The following VPS37A variants were observed in gnomAD, a reference collection of about 807,000 sequenced individuals.
VPS37A encodes the protein vacuolar protein sorting-associated protein 37A.
Under a neutral mutation model 49.8 loss-of-function variants are expected in VPS37A, and 30 were observed. The ratio of observed to expected loss-of-function variants is 0.60; its 90% CI spans 0.45 to 0.82. The LOEUF is 0.82. Among genes scored for constraint, VPS37A ranks in the 40% least tolerant of loss-of-function variants. The pLI is 0.00. For synonymous variants in VPS37A, 195 were observed against 160.6 expected (o/e 1.21, Z -1.62); for missense variants, 593 against 464.4 (o/e 1.28, Z -2.55).
downstream of VPS37A, among the ~76,000 whole-genome samples, chr8:17,301,355 A>G (rs934138079): frequency 2.0e-5 from 3 of 152,216 alleles, no homozygotes; most frequent in African/African-American, 7.2e-5. Flanking sequence ...TTTTAACAGG[A>G]CTGTGAAAGA....
chr8:17,270,761 T>C (rs1813901039), intron 4 of VPS37A, among the ~76,000 whole-genome samples: 1 of 152,184 alleles, frequency 6.6e-6, no homozygotes, highest in Non-Finnish European at 1.5e-5. Context: ...AGAATTCACC[T>C]CTTTCCTATA....
At position 17,276,419 on chromosome 8, in the gene VPS37A, A is replaced by G; in HGVS notation, c.665A>G (p.Tyr222Cys). ...TAGACAAGCCAAAATGGTTTTGGGTACAAGATGCCAGATGTCCCTGATGCA... is the reference window on the plus strand; with the variant it reads ...TAGACAAGCCAAAATGGTTTTGGGTGCAAGATGCCAGATGTCCCTGATGCA... Reference protein sequence around the residue: ...SIPTSQNGFGYKMPDVPDAFP... With the variant: ...SIPTSQNGFGCKMPDVPDAFP... Residue 222 changes from tyrosine (Y) to cysteine (C), a missense_variant, in exon 6 of 12, where the codon TAC becomes TGC. Tyr to Cys is a radical substitution (Grantham distance 194). Coordinates refer to ENST00000324849, the MANE Select transcript of VPS37A (RefSeq NM_152415.3). 6.2e-7 allele frequency: 1 copy of G among 1,612,576 alleles called. No individual in the cohort carries two copies. Among genetic ancestry groups the G allele is most frequent in the Non-Finnish European group, 8.5e-7 (1 of 1,179,368 alleles).
chr8:17,290,698 C>T (rs1816060151), intron 11 of VPS37A, among the ~76,000 whole-genome samples: 1 of 152,112 alleles, frequency 6.6e-6, no homozygotes, highest in South Asian at 2.1e-4. Context: ...CTCATACAAT[C>T]AGTTAGGGAG....
At chr8:17,273,443 T>G (rs1467405428) in intron 4 of VPS37A, among the ~76,000 whole-genome samples, 1 of 152,194 alleles carries the variant, frequency 6.6e-6, no homozygotes, top group Non-Finnish European at 1.5e-5. Flanking sequence ...CTCGGCTCAC[T>G]GCAAGCTCGG....
chr8:17,265,292 T>C (rs1237785042), intron 1 of VPS37A, among the ~76,000 whole-genome samples: 2 of 152,220 alleles, frequency 1.3e-5, no homozygotes, highest in Non-Finnish European at 2.9e-5. Flanking sequence ...TCCTACAATT[T>C]CTCCCTACAA....
chr8:17,307,966 A>AT, the VPS37A span, among the ~76,000 whole-genome samples: 1 of 152,172 alleles, frequency 6.6e-6, no homozygotes, highest in African/African-American at 2.4e-5. Flanking sequence ...GCAGCACACC[A>AT]ACATGGCACA....
At position 17,297,057 on chromosome 8, in the gene VPS37A, G is replaced by A. The variant is rs1281083792; in HGVS notation, c.*2071G>A. On this transcript the variant is annotated 3_prime_UTR_variant, in exon 12 of 12. Transcript: ENST00000324849. ...AAGTGACCATTTTTTCTAATTTTAT[G>A]GCTATATATTTTCTTCATAAAAATT... 1 of 152,048 alleles carries A rather than the reference G, an allele frequency of 6.6e-6. No homozygotes were observed. Among genetic ancestry groups the A allele is most frequent in the African/African-American group, 2.4e-5 (1 of 41,394 alleles). The allele number at this position is 152,048 out of a possible 1,614,324, so 9.4% of individuals were successfully genotyped here. A position where few individuals can be genotyped will look rare whatever the true frequency, so the allele number is the denominator to read the frequency against.
chr8:17,306,375 G>A (rs1037504626), downstream of VPS37A, among the ~76,000 whole-genome samples: 12 of 151,512 alleles, frequency 7.9e-5, no homozygotes, highest in African/African-American at 2.7e-4. Flanking sequence ...GAAGGGATGA[G>A]GAAAAAGACA....
At chr8:17,315,788 G>A in the VPS37A span, among the ~76,000 whole-genome samples, 1 of 152,094 alleles carries the variant, frequency 6.6e-6, no homozygotes, top group Non-Finnish European at 1.5e-5. Flanking sequence ...AAGTCAGAAG[G>A]ATCATTTGAG....
At chr8:17,309,145 C>T in the VPS37A span, 3 of 649,654 alleles carry the variant, frequency 4.6e-6, no homozygotes, top group Admixed American at 5.9e-5. Context: ...ACATATACAA[C>T]AAAATTTAAG....
intron 2 of VPS37A, 43 bp downstream of exon 2, chr8:17,266,024 A>G: frequency 6.5e-7 from 1 of 1,530,948 alleles, no homozygotes; most frequent in Non-Finnish European, 8.9e-7. Context: ...AAAGGACTTA[A>G]CAGTTTTTTT....
At chr8:17,324,855 G>C in the VPS37A span, among the ~76,000 whole-genome samples, 2 of 152,180 alleles carry the variant, frequency 1.3e-5, no homozygotes, top group African/African-American at 2.4e-5. Flanking sequence ...TAAGTAATCT[G>C]AGGAAATTAA....
At chr8:17,312,578 A>C in the VPS37A span, among the ~76,000 whole-genome samples, 1 of 17,920 alleles carries the variant, frequency 5.6e-5, no homozygotes, top group Non-Finnish European at 9.5e-5. Context: ...CCCTCTCAAA[A>C]AAAAAAAAAA....
intron 4 of VPS37A, 75 bp from the exon 5 acceptor site, chr8:17,274,658 T>C: frequency 2.4e-6 from 3 of 1,227,998 alleles, no homozygotes; most frequent in Non-Finnish European, 3.5e-6. Flanking sequence ...CTTTGTTATT[T>C]AGAACAATTT....
At chr8:17,319,527 C>T in the VPS37A span, among the ~76,000 whole-genome samples, 1 of 152,200 alleles carries the variant, frequency 6.6e-6, no homozygotes, top group Non-Finnish European at 1.5e-5. Flanking sequence ...TTTGCCACCA[C>T]ATCATGGCTA....
chr8:17,331,064 C>A, the VPS37A span: 2 of 1,481,842 alleles, frequency 1.3e-6, no homozygotes, highest in Non-Finnish European at 1.8e-6. Context: ...TATGTAAAAA[C>A]ATTTTAAAAT....
At chr8:17,327,372 G>C in the VPS37A span, among the ~76,000 whole-genome samples, 1 of 152,292 alleles carries the variant, frequency 6.6e-6, no homozygotes, top group South Asian at 2.1e-4. Context: ...CCAGGCCCAA[G>C]TGATCCTCCC....
downstream of VPS37A, chr8:17,298,582 G>A (rs930569511): frequency 2.6e-5 from 4 of 152,172 alleles, no homozygotes; most frequent in Admixed American, 6.6e-5. Context: ...GATGTAAATT[G>A]TAAAGTTTAA....
intron 1 of VPS37A, among the ~76,000 whole-genome samples, chr8:17,262,700 A>T (rs1033628632): frequency 1.3e-5 from 2 of 152,144 alleles, no homozygotes; most frequent in Admixed American, 1.3e-4. Flanking sequence ...AACAATCTAA[A>T]TATCTAATAG....
Sources: gnomAD v4.1 joint callset for allele counts (sites outside exome capture counted in the v4.1 genomes callset) on GRCh38, gnomAD v4.1.1 for gene constraint, MANE v1.5 for transcripts, NCBI Gene and HGNC (gene_info 2026-07-23, HGNC 2026-07-21) for gene names.